The following SH3GL2 variants were observed in gnomAD, a reference collection of about 807,000 sequenced individuals.
SH3GL2 encodes SH3 domain containing GRB2 like 2, endophilin A1.
In SH3GL2, 24 loss-of-function variants were observed where a neutral mutation model predicts 46.0. The observed-to-expected ratio is 0.52, with a 90% CI of 0.38 to 0.73. The LOEUF (loss-of-function observed/expected upper bound fraction) is 0.73, where lower values mean the gene tolerates loss of function less well. Among genes scored for constraint, SH3GL2 ranks in the 30% least tolerant of loss-of-function variants. The pLI, the probability that SH3GL2 is intolerant of heterozygous loss-of-function variation, is 0.00. For synonymous variants in SH3GL2, 196 were observed against 147.1 expected (o/e 1.33, Z -2.40); for missense variants, 413 against 424.2 (o/e 0.97, Z 0.23).
At chr9:17,624,885 C>G (rs1588183023) in intron 1 of SH3GL2, among the ~76,000 whole-genome samples, 1 of 152,114 alleles carries the variant, frequency 6.6e-6, no homozygotes, top group African/African-American at 2.4e-5. Flanking sequence ...CTATCCATTT[C>G]TTGGTAGATG....
chr9:17,605,067 G>C (rs897969969), intron 1 of SH3GL2, among the ~76,000 whole-genome samples: 1 of 151,364 alleles, frequency 6.6e-6, no homozygotes, highest in Non-Finnish European at 1.5e-5. Flanking sequence ...CAACTTCCTG[G>C]GCTCAAGTGA....
At chr9:17,794,852 A>T (rs907539966) in intron 8 of SH3GL2, among the ~76,000 whole-genome samples, 15 of 152,216 alleles carry the variant, frequency 9.9e-5, no homozygotes, top group African/African-American at 3.1e-4. Context: ...AAATTACAAA[A>T]TTTTTTACAT....
At chr9:17,737,340 T>G (rs762632006) in intron 1 of SH3GL2, among the ~76,000 whole-genome samples, 20 of 152,160 alleles carry the variant, frequency 1.3e-4, no homozygotes, top group Non-Finnish European at 2.1e-4. Context: ...ATCCCAGAAC[T>G]TAAAATATAA....
At chr9:17,595,889 TA>T (rs1257401633) in intron 1 of SH3GL2, among the ~76,000 whole-genome samples, 7 of 152,300 alleles carry the variant, frequency 4.6e-5, no homozygotes, top group Admixed American at 2.0e-4. Flanking sequence ...ACAGTAAGAT[TA>T]TTTTTTTAAT....
In SH3GL2 at chr9:17,787,461, A is replaced by C. The variant is rs1275197147; in HGVS notation, c.413A>C (p.Asn138Thr). Residue 138 changes from asparagine to threonine, a missense_variant, in exon 5 of 9, where the codon AAC becomes ACC. Around this residue, in one of 3 missense-constraint regions of SH3GL2, gnomAD observed 160 missense variants for 192.3 expected, o/e 0.83. Transcript: ENST00000380607. ...KDSLDIEVKQ[N>T]FIDPLQNLHD... ...TCTTTGGACATAGAAGTGAAGCAGA[A>C]CTTCATTGACCCTCTTCAGAATCTT... is the stretch of plus-strand genomic sequence containing the variant. 1.9e-6 allele frequency: 3 copies of C among 1,612,504 alleles called. No individual in the cohort carries two copies. The African/African-American group carries it at 4.0e-5, about 22-fold the overall frequency.
At chr9:17,746,713 A>T (rs963454696) in intron 1 of SH3GL2, among the ~76,000 whole-genome samples, 1 of 152,198 alleles carries the variant, frequency 6.6e-6, no homozygotes, top group African/African-American at 2.4e-5. Flanking sequence ...GAGATCCATT[A>T]TCAGAGGGAA....
intron 1 of SH3GL2, among the ~76,000 whole-genome samples, chr9:17,706,641 T>A (rs778618626): frequency 2.6e-5 from 4 of 152,094 alleles, no homozygotes; most frequent in Admixed American, 6.6e-5. Flanking sequence ...TTTGTTCTAG[T>A]TTCTTTTATG....
intron 1 of SH3GL2, among the ~76,000 whole-genome samples, chr9:17,587,799 T>C (rs917861804): frequency 2.0e-5 from 3 of 151,642 alleles, no homozygotes; most frequent in African/African-American, 4.8e-5. Context: ...CCTGGGAGAG[T>C]TGCTTGAACC....
chr9:17,620,262 C>T (rs1050532324), intron 1 of SH3GL2, among the ~76,000 whole-genome samples: 1 of 152,164 alleles, frequency 6.6e-6, no homozygotes. Flanking sequence ...AACAACCATT[C>T]AGTAAACATT....
chr9:17,623,032 T>C (rs1294270282), intron 1 of SH3GL2, among the ~76,000 whole-genome samples: 1 of 101,998 alleles, frequency 9.8e-6, no homozygotes, highest in African/African-American at 4.2e-5. Context: ...TTTCCTTTCC[T>C]TTCCTTTCCT....
chr9:17,690,951 A>G (rs922644931), intron 1 of SH3GL2, among the ~76,000 whole-genome samples: 3 of 152,166 alleles, frequency 2.0e-5, no homozygotes, highest in Non-Finnish European at 4.4e-5. Flanking sequence ...GACTTCTGCA[A>G]CCTAGCCTTC....
intron 8 of SH3GL2, among the ~76,000 whole-genome samples, chr9:17,794,968 A>G: frequency 6.6e-6 from 1 of 152,250 alleles, no homozygotes; most frequent in Non-Finnish European, 1.5e-5. Context: ...GGTCACAGAA[A>G]GTAAAAACTT....
At chr9:17,732,874 C>T (rs1167968906) in intron 1 of SH3GL2, among the ~76,000 whole-genome samples, 1 of 152,020 alleles carries the variant, frequency 6.6e-6, no homozygotes, top group African/African-American at 2.4e-5. Context: ...TTGATTATAG[C>T]CAACCCAAAT....
intron 2 of SH3GL2, among the ~76,000 whole-genome samples, chr9:17,757,128 T>G (rs1265984149): frequency 6.6e-6 from 1 of 152,232 alleles, no homozygotes; most frequent in Non-Finnish European, 1.5e-5. Context: ...TGTCTTCTTT[T>G]GAGAAGTGTC....
chr9:17,694,319 G>C (rs1246467664), intron 1 of SH3GL2, among the ~76,000 whole-genome samples: 1 of 152,124 alleles, frequency 6.6e-6, no homozygotes, highest in African/African-American at 2.4e-5. Context: ...AGGAGAGAGA[G>C]AAAGAGAGAG....
At chr9:17,596,198 C>T (rs755068219) in intron 1 of SH3GL2, among the ~76,000 whole-genome samples, 41 of 152,316 alleles carry the variant, frequency 2.7e-4, no homozygotes, top group Admixed American at 1.9e-3. Context: ...CTGCCCTGCC[C>T]TCCATAGAGC....
chr9:17,669,258 A>G (rs1820415449), intron 1 of SH3GL2, among the ~76,000 whole-genome samples: 1 of 152,210 alleles, frequency 6.6e-6, no homozygotes, highest in African/African-American at 2.4e-5. Context: ...AACAGTCTAC[A>G]GGTTTTTTGC....
rs547281959 is a variant in SH3GL2, at chr9:17,745,048, G to A, written c.46-2018G>A. On this transcript the variant is annotated intron_variant, in intron 1 of 8. Coordinates refer to ENST00000380607, the MANE Select transcript of SH3GL2 (RefSeq NM_003026.5). ...CCTAGGGGTTTTTCCTGGAAAAACT[G>A]CTTCTAATTCTTCCTAGCTAAAGAT... Among the ~76,000 whole-genome samples the A allele has an allele frequency of 1.6e-4, 25 of 152,250 alleles. No individual in the cohort carries two copies. The Middle Eastern group carries it at 0.01, about 62-fold the overall frequency.
chr9:17,657,991 G>A (rs756769560), intron 1 of SH3GL2, among the ~76,000 whole-genome samples: 2 of 152,180 alleles, frequency 1.3e-5, no homozygotes, highest in East Asian at 1.9e-4. Context: ...TTGGACAGTT[G>A]TTGTAGATGA....
Sources: allele counts gnomAD v4.1 joint callset (sites outside exome capture counted in the v4.1 genomes callset), GRCh38; gene constraint gnomAD v4.1.1; regional missense constraint gnomAD v4.1.1; transcripts MANE v1.5; gene names NCBI Gene and HGNC (gene_info 2026-07-23, HGNC 2026-07-21).